Variants in OSBPL8 observed in about 807,000 individuals in gnomAD.
OSBPL8 encodes the protein oxysterol binding protein like 8.
A neutral mutation model predicts 125.5 loss-of-function variants in OSBPL8; 59 were observed. The observed-to-expected ratio is 0.47, with a 90% confidence interval of 0.38 to 0.58. The LOEUF is 0.58. Ranked by LOEUF, OSBPL8 falls within the 20% of genes least tolerant of loss-of-function variation. The pLI is 0.00. For synonymous variants in OSBPL8, 330 were observed against 338.9 expected (o/e 0.97, Z 0.29); for missense variants, 758 against 1,047.8 (o/e 0.72, Z 3.82).
intron 4 of OSBPL8, among the ~76,000 whole-genome samples, chr12:76,419,263 T>C (rs1321173930): frequency 6.6e-6 from 1 of 151,984 alleles, no homozygotes. Flanking sequence ...AAAAACAAAG[T>C]GCATATATAT....
intron 1 of OSBPL8, among the ~76,000 whole-genome samples, chr12:76,554,337 C>G (rs1951033578): frequency 6.6e-6 from 1 of 152,132 alleles, no homozygotes; most frequent in Non-Finnish European, 1.5e-5. Flanking sequence ...ATCACAAGGT[C>G]AAGACGTATC....
At chr12:76,459,740 G>A in intron 3 of OSBPL8, 119 bp downstream of exon 3, 1 of 1,182,894 alleles carries the variant, frequency 8.5e-7, no homozygotes, top group Non-Finnish European at 1.2e-6. Context: ...TTCAATTCCT[G>A]GAAAGAAAAG....
At chr12:76,360,600 G>A (rs548438758) in intron 21 of OSBPL8, among the ~76,000 whole-genome samples, 51 of 152,334 alleles carry the variant, frequency 3.3e-4, no homozygotes, top group African/African-American at 1.1e-3. Flanking sequence ...TTTCCCTTCT[G>A]CACTGTGCTA....
chr12:76,554,387 T>C (rs1164880731), intron 1 of OSBPL8, among the ~76,000 whole-genome samples: 1 of 152,146 alleles, frequency 6.6e-6, no homozygotes, highest in Non-Finnish European at 1.5e-5. Flanking sequence ...AGGCAGTATA[T>C]AATATGATGG....
Position 76,399,993 on chromosome 12 carries a change from A to T in OSBPL8, c.367-19T>A. On this transcript the variant is annotated intron_variant, in intron 6 of 23. Coordinates refer to ENST00000261183, the MANE Select transcript of OSBPL8 (RefSeq NM_020841.5). ...TTTGTACCTATTTTATAGAAATAAT[A>T]GAAAAGATAAAAACTCAACAGAAAT... 6.4e-7 allele frequency: 1 copy of T among 1,550,988 alleles called. No individual in the cohort carries two copies. The highest frequency in any genetic ancestry group is 2.0e-5 in the Admixed American group (1 of 49,362).
chr12:76,459,817 T>C (rs758135937), intron 3 of OSBPL8, 42 bp downstream of exon 3: 63 of 1,609,502 alleles, frequency 3.9e-5, no homozygotes, highest in Non-Finnish European at 5.2e-5. Flanking sequence ...ATCAAAATAT[T>C]ATCATGTCCC....
intron 1 of OSBPL8, among the ~76,000 whole-genome samples, chr12:76,492,364 A>C (rs996294170): frequency 1.3e-5 from 2 of 152,328 alleles, no homozygotes; most frequent in Admixed American, 1.3e-4. Flanking sequence ...GAAAAGCAGA[A>C]AATGTTTCCC....
chr12:76,369,452 A>AT, intron 20 of OSBPL8, 151 bp from the exon 21 acceptor site: 1 of 1,390,064 alleles, frequency 7.2e-7, no homozygotes, highest in Non-Finnish European at 9.4e-7. Context: ...TCCTCAACTT[A>AT]TTTTATAGGC....
intron 3 of OSBPL8, among the ~76,000 whole-genome samples, chr12:76,458,755 TTACA>T (rs760894822): frequency 5.9e-5 from 9 of 151,480 alleles, no homozygotes; most frequent in Non-Finnish European, 1.2e-4. Flanking sequence ...AGAAAAAAAA[TTACA>T]TACATACTAT....
chr12:76,556,680 T>C (rs769203057), intron 1 of OSBPL8, among the ~76,000 whole-genome samples: 3 of 152,222 alleles, frequency 2.0e-5, no homozygotes, highest in African/African-American at 7.2e-5. Flanking sequence ...TTGGTGTTTT[T>C]TGAGACTGAG....
chr12:76,492,055 AAT>A (rs1221932814), intron 1 of OSBPL8, among the ~76,000 whole-genome samples: 2 of 152,184 alleles, frequency 1.3e-5, no homozygotes, highest in East Asian at 3.9e-4. Context: ...GAAGACAAAC[AAT>A]AAAAATAATA....
Position 76,487,503 on chromosome 12 carries a change from T to C in OSBPL8, c.42+7A>G. 6.3e-7 allele frequency: 1 copy of C among 1,598,182 alleles called. No homozygotes were observed. The highest frequency in any genetic ancestry group is 8.5e-7 in the Non-Finnish European group (1 of 1,173,200). On this transcript the variant is annotated splice_region_variant and intron_variant, in intron 2 of 23. Coordinates refer to ENST00000261183, the MANE Select transcript of OSBPL8 (RefSeq NM_020841.5). Reference sequence around the variant, plus strand: ...GATAGAACCTATGTCATATATGAACTACTCACCGAAGTTCGATCAGGTTCT... The same window carrying C: ...GATAGAACCTATGTCATATATGAACCACTCACCGAAGTTCGATCAGGTTCT...
chr12:76,377,184 A>T lies in OSBPL8; in HGVS notation c.1729+1268T>A, dbSNP rs145742718. Among the ~76,000 whole-genome samples, 442 of 152,290 alleles carry T rather than the reference A, an allele frequency of 2.9e-3. 2 individuals carry two copies. Among genetic ancestry groups the T allele is most frequent in the African/African-American group, 0.01 (425 of 41,552 alleles). On this transcript the variant is annotated intron_variant, in intron 16 of 23. Coordinates refer to ENST00000261183, the MANE Select transcript of OSBPL8 (RefSeq NM_020841.5). ...TTTATCCAGTTTATCACTGATGGGC[A>T]TTTGGGTTGGTCCCAAGTCTTTGCT...
rs549598555 is a variant in OSBPL8, at chr12:76,539,057, G to GC, written c.-68+20339_-68+20340insG. 1.3e-3 allele frequency among the ~76,000 whole-genome samples: 179 copies of GC among 132,842 alleles called. 3 individuals carry two copies. The highest frequency in any genetic ancestry group is 2.6e-3 in the Non-Finnish European group (157 of 61,564). 87.1% of individuals were successfully genotyped at this position (132,842 alleles called of 152,430 possible). A position where few individuals can be genotyped will look rare whatever the true frequency, so the allele number is the denominator to read the frequency against. ...GCCTGCTATTAAATAACTGGGGGGG[G>GC]GGAGGGGGAGGGTAAGTATCCTGAA... On this transcript the variant is annotated intron_variant, in intron 1 of 23. Coordinates refer to ENST00000261183, the MANE Select transcript of OSBPL8 (RefSeq NM_020841.5).
At chr12:76,524,648 C>G (rs2137285930) in intron 1 of OSBPL8, among the ~76,000 whole-genome samples, 1 of 150,398 alleles carries the variant, frequency 6.6e-6, no homozygotes, top group East Asian at 1.9e-4. Context: ...AAAAGAAAAT[C>G]AAAATTAATT....
At chr12:76,384,649 T>C (rs557280730) in intron 14 of OSBPL8, among the ~76,000 whole-genome samples, 14 of 152,278 alleles carry the variant, frequency 9.2e-5, no homozygotes, top group African/African-American at 3.4e-4. Flanking sequence ...GCACCTTCCA[T>C]GCTGGGGGCT....
At chr12:76,417,070 C>A (rs185143412) in intron 4 of OSBPL8, among the ~76,000 whole-genome samples, 71 of 152,308 alleles carry the variant, frequency 4.7e-4, no homozygotes, top group Non-Finnish European at 8.1e-4. Context: ...CAATAACTGT[C>A]ATATATTGCA....
chr12:76,407,227 G>C (rs746526512), intron 5 of OSBPL8, among the ~76,000 whole-genome samples: 1 of 152,170 alleles, frequency 6.6e-6, no homozygotes, highest in Non-Finnish European at 1.5e-5. Context: ...AAAAACAAGA[G>C]AGTTGGTTGC....
chr12:76,535,922 G>A (rs1336234396), intron 1 of OSBPL8, among the ~76,000 whole-genome samples: 3 of 152,150 alleles, frequency 2.0e-5, no homozygotes, highest in Non-Finnish European at 2.9e-5. Context: ...TTTGGGGACT[G>A]ATGGAAAGTT....
Sources: allele counts gnomAD v4.1 joint callset (sites outside exome capture counted in the v4.1 genomes callset), GRCh38; gene constraint gnomAD v4.1.1; transcripts MANE v1.5; gene names NCBI Gene and HGNC (gene_info 2026-07-23, HGNC 2026-07-21).